Variants in CTSO observed in about 807,000 individuals in gnomAD.
CTSO encodes the protein cathepsin O.
CTSO carries 40 observed loss-of-function variants against 42.4 expected under a neutral mutation model. The observed-to-expected ratio is 0.94, with a 90% CI of 0.73 to 1.23. CTSO has a LOEUF of 1.23. Among genes scored for constraint, CTSO ranks in the 50% most tolerant of loss-of-function variants. CTSO has a pLI of 0.00. For missense variants in CTSO, 441 were observed against 396.0 expected (o/e 1.11, Z -0.96); for synonymous variants, 156 against 146.2 (o/e 1.07, Z -0.48).
At chr4:155,935,530 A>T (rs1055483711) in intron 5 of CTSO, among the ~76,000 whole-genome samples, 12 of 152,032 alleles carry the variant, frequency 7.9e-5, no homozygotes, top group African/African-American at 2.7e-4. Flanking sequence ...TCTTCACTTG[A>T]ACATAACCTT....
intron 7 of CTSO, among the ~76,000 whole-genome samples, chr4:155,927,932 GAAAA>G (rs2110902227): frequency 6.6e-6 from 1 of 152,094 alleles, no homozygotes; most frequent in East Asian, 1.9e-4. Context: ...TTAAAACAAA[GAAAA>G]ACTCTTGATA....
chr4:155,935,989 AT>A (rs144461442), intron 5 of CTSO, among the ~76,000 whole-genome samples: 16 of 150,848 alleles, frequency 1.1e-4, no homozygotes, highest in East Asian at 3.9e-4. Context: ...CTTCTTCTTA[AT>A]TTTTTTTTCA....
intron 1 of CTSO, among the ~76,000 whole-genome samples, chr4:155,951,332 C>T (rs993654608): frequency 6.6e-6 from 1 of 152,104 alleles, no homozygotes; most frequent in African/African-American, 2.4e-5. Flanking sequence ...GAGGGCATAG[C>T]TAGGTTTTGG....
intron 1 of CTSO, among the ~76,000 whole-genome samples, chr4:155,946,888 C>T (rs1255778132): frequency 1.3e-5 from 2 of 152,324 alleles, no homozygotes; most frequent in African/African-American, 4.8e-5. Flanking sequence ...GGCGGATTCT[C>T]GCTCTGTCGC....
intron 5 of CTSO, among the ~76,000 whole-genome samples, chr4:155,932,046 G>A (rs1258075196): frequency 6.6e-6 from 1 of 151,844 alleles, no homozygotes; most frequent in East Asian, 1.9e-4. Context: ...ATATGTAGTA[G>A]GTTCCTACAG....
rs376239097 is a variant in CTSO at position 155,924,708 on chromosome 4, C to T, written c.*1328G>A. ...TTCAATCAGAAGGTCAACTCCTTTGCTCTAAGGTTCTTACACTGCTAACAA... is the reference window on the plus strand; with the variant it reads ...TTCAATCAGAAGGTCAACTCCTTTGTTCTAAGGTTCTTACACTGCTAACAA... On this transcript the variant is annotated 3_prime_UTR_variant, in exon 8 of 8. Coordinates refer to ENST00000433477, the MANE Select transcript of CTSO (RefSeq NM_001334.3). The T allele has an allele frequency of 6.6e-6, 1 of 152,140 alleles. No homozygotes were observed. Among genetic ancestry groups the T allele is most frequent in the African/African-American group, 2.4e-5 (1 of 41,428 alleles). The allele number at this position is 152,140 out of a possible 1,614,324, so 9.4% of individuals were successfully genotyped here.
intron 1 of CTSO, among the ~76,000 whole-genome samples, chr4:155,950,182 C>T (rs1300781971): frequency 3.3e-5 from 5 of 152,206 alleles, no homozygotes; most frequent in African/African-American, 1.2e-4. Flanking sequence ...ATTAAAAATA[C>T]ATTCTTTTGT....
At chr4:155,943,438 G>A (rs924644697) in intron 1 of CTSO, among the ~76,000 whole-genome samples, 174 bp from the exon 2 acceptor site, 1 of 152,052 alleles carries the variant, frequency 6.6e-6, no homozygotes, top group East Asian at 1.9e-4. Flanking sequence ...TTTTCTATTA[G>A]AATTATTATC....
chr4:155,945,902 T>TACCACACACAC (rs1743536601), intron 1 of CTSO, among the ~76,000 whole-genome samples: 1 of 152,078 alleles, frequency 6.6e-6, no homozygotes, highest in Non-Finnish European at 1.5e-5. Flanking sequence ...AAAAGGAATA[T>TACCACACACAC]ACCACACACA....
At position 155,953,730 on chromosome 4, in the gene CTSO, C is replaced by T; in HGVS notation, c.118G>A (p.Glu40Lys). 7.9e-7 allele frequency: 1 copy of T among 1,271,984 alleles called. No individual in the cohort carries two copies. The highest frequency in any genetic ancestry group is 9.9e-7 in the Non-Finnish European group (1 of 1,010,188). The allele number at this position is 1,271,984 out of a possible 1,614,324, so 78.8% of individuals were successfully genotyped here. The change falls in exon 1 of 8, where the codon GAA (glutamate) becomes AAA (lysine). Residue 40 changes from glutamate to lysine, a missense_variant. Glu to Lys is a moderately conservative substitution (Grantham distance 56, BLOSUM62 1). Coordinates refer to ENST00000433477, the MANE Select transcript of CTSO (RefSeq NM_001334.3). ...TPTWPRSRER[E>K]AAAFRESLNR... ...CTCGGTACCCGGAAGGCGGCGGCTT[C>T]ACGCTCGCGGCTCCGCGGCCAGGTC...
At chr4:155,934,160 T>C (rs1398378539) in intron 5 of CTSO, among the ~76,000 whole-genome samples, 1 of 152,202 alleles carries the variant, frequency 6.6e-6, no homozygotes, top group Non-Finnish European at 1.5e-5. Context: ...CTTAGTGCCC[T>C]GTGTCTCAGA....
In CTSO at chr4:155,939,106, A is replaced by T. The variant is rs1292345624; in HGVS notation, c.552+265T>A. 2.0e-5 allele frequency among the ~76,000 whole-genome samples: 3 copies of T among 152,240 alleles called. No homozygotes were observed. In the East Asian group the frequency reaches 5.8e-4, roughly 29 times the overall value. On this transcript the variant is annotated intron_variant, in intron 4 of 7. Coordinates refer to ENST00000433477, the MANE Select transcript of CTSO (RefSeq NM_001334.3). Reference sequence around the variant, plus strand: ...TTCAGATCTGCAAAAAAGCATGTATATATTAAGAAATGTTAAGAAATAAAT... The same window carrying T: ...TTCAGATCTGCAAAAAAGCATGTATTTATTAAGAAATGTTAAGAAATAAAT...
chr4:155,935,939 C>G (rs1249439989), intron 5 of CTSO, among the ~76,000 whole-genome samples: 2 of 152,204 alleles, frequency 1.3e-5, no homozygotes, highest in African/African-American at 2.4e-5. Context: ...CCTGCATTCT[C>G]TCTTTCCCTT....
At chr4:155,940,527 G>T (rs1421640968) in intron 3 of CTSO, among the ~76,000 whole-genome samples, 1 of 152,094 alleles carries the variant, frequency 6.6e-6, no homozygotes, top group Admixed American at 6.6e-5. Context: ...CACTCACTAA[G>T]TGACCATACA....
intron 1 of CTSO, among the ~76,000 whole-genome samples, chr4:155,952,269 C>T (rs1230638842): frequency 1.3e-5 from 2 of 152,128 alleles, no homozygotes; most frequent in African/African-American, 4.8e-5. Flanking sequence ...ATTTTCTAGA[C>T]ATTCATCAGG....
Position 155,939,502 on chromosome 4 carries a change from C to T in CTSO, c.421G>A (p.Val141Met), listed in dbSNP as rs1743391214. The change falls in exon 4 of 8, where the codon GTG becomes ATG. Residue 141 changes from valine to methionine, a missense_variant. Val to Met is a conservative substitution (Grantham distance 21). Coordinates refer to ENST00000433477, the MANE Select transcript of CTSO (RefSeq NM_001334.3). ...CCCTTTATTGCATAAGCAGATTCCA[C>T]TGCCCCCACCACGCTGAAGGCCCAG... ...GCWAFSVVGAVESAYAIKGKP... is the reference protein window; with the variant it reads ...GCWAFSVVGAMESAYAIKGKP... The T allele has an allele frequency of 6.2e-7, 1 of 1,614,048 alleles. No homozygotes were observed. Among genetic ancestry groups the T allele is most frequent in the African/African-American group, 1.3e-5 (1 of 75,032 alleles).
intron 1 of CTSO, among the ~76,000 whole-genome samples, chr4:155,950,249 T>C (rs1743646288): frequency 6.6e-6 from 1 of 152,198 alleles, no homozygotes; most frequent in Non-Finnish European, 1.5e-5. Flanking sequence ...TCTTTTTATT[T>C]ACAGGAAAAT....
In CTSO at chr4:155,947,458, T is replaced by C. The variant is rs181498725; in HGVS notation, c.136-4194A>G. ...ATTCACTTGGAGCAAGTATTTCTCATGTCATTAGAAATGAGGATCAATATT... is the reference window on the plus strand; with the variant it reads ...ATTCACTTGGAGCAAGTATTTCTCACGTCATTAGAAATGAGGATCAATATT... On this transcript the variant is annotated intron_variant, in intron 1 of 7. Transcript: ENST00000433477. Among the ~76,000 whole-genome samples, 347 of 152,344 alleles carry C rather than the reference T, an allele frequency of 2.3e-3. 2 individuals are homozygous for C. The highest frequency in any genetic ancestry group is 4.2e-3 in the Non-Finnish European group (283 of 68,038).
intron 2 of CTSO, 46 bp from the exon 3 acceptor site, chr4:155,942,502 A>G (rs1553960192): frequency 2.3e-6 from 2 of 880,514 alleles, no homozygotes; most frequent in South Asian, 3.8e-5. Context: ...TTATATTACA[A>G]TATATTATAT....
Sources: allele counts gnomAD v4.1 joint callset (sites outside exome capture counted in the v4.1 genomes callset), GRCh38; gene constraint gnomAD v4.1.1; transcripts MANE v1.5; gene names NCBI Gene and HGNC (gene_info 2026-07-23, HGNC 2026-07-21).